The following TRIM75 variants were observed in gnomAD, a reference collection of about 807,000 sequenced individuals.
TRIM75 encodes the protein tripartite motif-containing protein 75.
At chr4:165,058,337 TTTTTTTTTA>T in the TRIM75 span, among the ~76,000 whole-genome samples, 21 of 140,780 alleles carry the variant, frequency 1.5e-4, no homozygotes, top group African/African-American at 6.6e-4. Flanking sequence ...CCCAACTAAT[TTTTTTTTTA>T]TTTTTTTATT....
At chr4:165,054,514 G>A in the TRIM75 span, among the ~76,000 whole-genome samples, 12 of 151,884 alleles carry the variant, frequency 7.9e-5, no homozygotes, top group Non-Finnish European at 1.3e-4. Flanking sequence ...TGATCCACCC[G>A]CCGTGGCCTC....
At chr4:165,059,787 CAG>C in the TRIM75 span, 1 of 780,870 alleles carries the variant, frequency 1.3e-6, no homozygotes. Flanking sequence ...GGACAATCAA[CAG>C]AAACTCAGTG....
chr4:165,060,139 G>A, the TRIM75 span: 1 of 780,796 alleles, frequency 1.3e-6, no homozygotes, highest in Non-Finnish European at 2.4e-6. Flanking sequence ...TTCCCAAAAA[G>A]ATTTACAGTC....
chr4:165,059,858 A>G, the TRIM75 span: 1 of 780,806 alleles, frequency 1.3e-6, no homozygotes, highest in Non-Finnish European at 2.4e-6. Context: ...TAAGTAAGGT[A>G]GTAGAGCTCA....
chr4:165,053,960 A>C, the TRIM75 span, among the ~76,000 whole-genome samples: 81 of 152,130 alleles, frequency 5.3e-4, no homozygotes, highest in Middle Eastern at 6.8e-3. Context: ...TAAGCTGGGA[A>C]GTGACATTCC....
chr4:165,060,075 T>A, the TRIM75 span: 3 of 780,824 alleles, frequency 3.8e-6, no homozygotes, highest in South Asian at 4.0e-5. Flanking sequence ...CCTGATTGTA[T>A]CTGAAGATAA....
the TRIM75 span, chr4:165,059,845 A>T: frequency 2.6e-6 from 2 of 780,908 alleles, no homozygotes; most frequent in Non-Finnish European, 4.8e-6. Flanking sequence ...CTCAAAAGCC[A>T]GTTAAGTAAG....
chr4:165,060,217 A>G, the TRIM75 span: 1 of 780,878 alleles, frequency 1.3e-6, no homozygotes, highest in South Asian at 1.3e-5. Flanking sequence ...GAAGTGGGGG[A>G]TAAGTCAGAA....
chr4:165,057,765 C>A, the TRIM75 span, among the ~76,000 whole-genome samples: 1 of 152,284 alleles, frequency 6.6e-6, no homozygotes, highest in South Asian at 2.1e-4. Flanking sequence ...AACTCCTGAA[C>A]TCAACTGATC....
At chr4:165,056,271 T>TA in the TRIM75 span, among the ~76,000 whole-genome samples, 1 of 149,404 alleles carries the variant, frequency 6.7e-6, no homozygotes, top group South Asian at 2.1e-4. Context: ...CCATCTCTAT[T>TA]AAAAATAAAT....
the TRIM75 span, among the ~76,000 whole-genome samples, chr4:165,056,606 T>C: frequency 5.8e-3 from 521 of 89,828 alleles, 10 homozygotes; most frequent in African/African-American, 0.033. Context: ...CTGTCTCTTT[T>C]TTTTTTTTTT....
At chr4:165,059,234 C>T in the TRIM75 span, 8 of 780,184 alleles carry the variant, frequency 1.0e-5, no homozygotes, top group South Asian at 6.7e-5. Flanking sequence ...CCGTCACCAT[C>T]GAATGTGGGC....
At chr4:165,060,172 C>G in the TRIM75 span, 1 of 780,876 alleles carries the variant, frequency 1.3e-6, no homozygotes, top group East Asian at 2.4e-5. Flanking sequence ...CTGGGTTTTC[C>G]GTATTTTCAT....
At chr4:165,053,978 C>T in the TRIM75 span, among the ~76,000 whole-genome samples, 5 of 151,962 alleles carry the variant, frequency 3.3e-5, no homozygotes, top group African/African-American at 9.7e-5. Flanking sequence ...TCCGTGGGTG[C>T]GGGAGGCTGG....
chr4:165,060,554 A>T, the TRIM75 span: 1 of 738,684 alleles, frequency 1.4e-6, no homozygotes, highest in Non-Finnish European at 2.5e-6. Context: ...TTTGTGAATG[A>T]AAACCCACCT....
At chr4:165,056,913 G>T in the TRIM75 span, among the ~76,000 whole-genome samples, 1 of 152,026 alleles carries the variant, frequency 6.6e-6, no homozygotes, top group African/African-American at 2.4e-5. Context: ...CACTGCGCCC[G>T]GCCAATCCAT....
the TRIM75 span, chr4:165,059,591 C>A: frequency 1.3e-6 from 1 of 780,876 alleles, no homozygotes; most frequent in Non-Finnish European, 2.4e-6. Flanking sequence ...GCAGTTACAT[C>A]CAGCCCCTGA....
chr4:165,060,122 T>A, the TRIM75 span: 2,885 of 780,930 alleles, frequency 3.7e-3, 59 homozygotes, highest in African/African-American at 0.042. Flanking sequence ...AACAAAAGGT[T>A]CCTGGTTTCC....
At chr4:165,059,481 C>T in the TRIM75 span, 1 of 780,794 alleles carries the variant, frequency 1.3e-6, no homozygotes, top group African/African-American at 1.7e-5. Flanking sequence ...CAAGGAGGAC[C>T]TGATGGTGTT....
Sources: allele counts gnomAD v4.1 joint callset (sites outside exome capture counted in the v4.1 genomes callset), GRCh38; gene constraint gnomAD v4.1.1; transcripts MANE v1.5; gene names NCBI Gene and HGNC (gene_info 2026-07-23, HGNC 2026-07-21).